DPH6: variants seen among roughly 807,000 people sequenced by gnomAD.
DPH6 encodes diphthamine biosynthesis 6.
Under a neutral mutation model 38.2 loss-of-function variants are expected in DPH6, and 33 were observed. The ratio of observed to expected loss-of-function variants is 0.86; its 90% CI spans 0.65 to 1.15. DPH6 has a LOEUF of 1.15. DPH6 is among the 50% of genes most tolerant of loss of function. DPH6 has a pLI of 0.00. For synonymous variants in DPH6, 108 were observed against 103.0 expected, an observed-to-expected ratio of 1.05 and a Z score of -0.30; for missense variants, 325 against 320.0, an observed-to-expected ratio of 1.02 and a Z score of -0.12.
exon 4 of DPH6, chr15:35,217,647 C>G (rs997731162): frequency 1.3e-5 from 2 of 152,316 alleles, no homozygotes; most frequent in Non-Finnish European, 2.9e-5. Flanking sequence ...CCACTGCACC[C>G]GGCCACCAAT....
the DPH6 span, among the ~76,000 whole-genome samples, chr15:35,145,454 G>A: frequency 0.73 from 111,377 of 152,136 alleles, 40,944 homozygotes; most frequent in Middle Eastern, 0.8. Context: ...CAATATGAAA[G>A]TACTGCTTGG....
intron 6 of DPH6, chr15:35,401,432 C>G (rs2053217591): frequency 3.9e-6 from 3 of 773,660 alleles, no homozygotes; most frequent in Non-Finnish European, 7.2e-6. Context: ...CCTGGTTATT[C>G]TGGAGGAAGC....
intron 3 of DPH6, among the ~76,000 whole-genome samples, chr15:35,344,703 G>A (rs948453764): frequency 6.6e-6 from 1 of 151,772 alleles, no homozygotes; most frequent in Non-Finnish European, 1.5e-5. Flanking sequence ...GTAGGTAACT[G>A]GACTCCATAC....
At chr15:35,361,510 C>T (rs1021965484) in intron 3 of DPH6, among the ~76,000 whole-genome samples, 1 of 127,692 alleles carries the variant, frequency 7.8e-6, no homozygotes, top group Non-Finnish European at 1.6e-5. Flanking sequence ...TAAATAACCT[C>T]TCTTTTTTTT....
At chr15:35,152,844 C>T in the DPH6 span, among the ~76,000 whole-genome samples, 10 of 152,142 alleles carry the variant, frequency 6.6e-5, no homozygotes, top group East Asian at 5.8e-4. Context: ...TTAGAAATAA[C>T]GGGCTTTGTT....
chr15:35,258,902 A>G (rs984023686), intron 3 of DPH6, among the ~76,000 whole-genome samples: 1 of 152,078 alleles, frequency 6.6e-6, no homozygotes, highest in African/African-American at 2.4e-5. Flanking sequence ...TAACCCCAGC[A>G]CTTTGGGCGG....
At chr15:35,366,007 A>T, downstream of DPH6, 1 of 985,254 alleles carries the variant, frequency 1.0e-6, no homozygotes, top group South Asian at 4.7e-5. Context: ...AGGGTAGGAA[A>T]GTTGTGCTGA....
chr15:35,425,711 G>A (rs551787577), intron 5 of DPH6, among the ~76,000 whole-genome samples: 22 of 149,738 alleles, frequency 1.5e-4, no homozygotes, highest in South Asian at 8.4e-4. Flanking sequence ...GTGTATGGGT[G>A]TGTGTACAAA....
At chr15:35,439,200 CAG>C (rs2053755027) in intron 5 of DPH6, among the ~76,000 whole-genome samples, 1 of 152,142 alleles carries the variant, frequency 6.6e-6, no homozygotes, top group Non-Finnish European at 1.5e-5. Flanking sequence ...GAATATCAAA[CAG>C]AACACGAGTT....
chr15:35,233,912 A>G (rs147178638), intron 3 of DPH6, among the ~76,000 whole-genome samples: 4 of 152,260 alleles, frequency 2.6e-5, no homozygotes, highest in African/African-American at 9.6e-5. Context: ...TTTCAGATAA[A>G]TGCTCTGCTT....
chr15:35,424,770 GAGA>G (rs1360799905), intron 5 of DPH6, among the ~76,000 whole-genome samples: 6 of 151,526 alleles, frequency 4.0e-5, no homozygotes, highest in African/African-American at 1.2e-4. Flanking sequence ...CTGAATAAAG[GAGA>G]AGAATATATC....
At chr15:35,474,780 T>G (rs1448038586) in intron 3 of DPH6, among the ~76,000 whole-genome samples, 1 of 152,120 alleles carries the variant, frequency 6.6e-6, no homozygotes. Flanking sequence ...ACATGAAATG[T>G]GTACATTCAG....
intron 3 of DPH6, among the ~76,000 whole-genome samples, chr15:35,475,662 A>AT (rs2141136787): frequency 6.6e-6 from 1 of 151,970 alleles, no homozygotes; most frequent in African/African-American, 2.4e-5. Context: ...TTACTCTGAA[A>AT]TATTTCCTAT....
chr15:35,511,528 T>G lies in DPH6; in HGVS notation c.312+26746A>C, dbSNP rs918879330. 3.3e-5 allele frequency among the ~76,000 whole-genome samples: 5 copies of G among 152,250 alleles called. No homozygotes were observed. The East Asian group carries it at 9.7e-4, about 29-fold the overall frequency. On this transcript the variant is annotated intron_variant, in intron 3 of 8. Coordinates refer to ENST00000256538, the MANE Select transcript of DPH6 (RefSeq NM_080650.4). ...CATGAAACTGTACATAGTGTGAATA[T>G]GTACATGTGTTTATAGCTGAAAAGT...
chr15:35,289,266 T>C (rs1261618442), intron 3 of DPH6, among the ~76,000 whole-genome samples: 3 of 152,180 alleles, frequency 2.0e-5, no homozygotes, highest in Admixed American at 1.3e-4. Flanking sequence ...TGCTATTCCA[T>C]GGCCACATTG....
intron 3 of DPH6, among the ~76,000 whole-genome samples, chr15:35,484,829 T>C (rs2054375522): frequency 6.6e-6 from 1 of 152,216 alleles, no homozygotes; most frequent in Non-Finnish European, 1.5e-5. Flanking sequence ...TTAGTTATAT[T>C]ATTCCTTCCA....
exon 4 of DPH6, chr15:35,218,156 CTATT>C (rs2051420975): frequency 6.6e-6 from 1 of 152,170 alleles, no homozygotes; most frequent in Non-Finnish European, 1.5e-5. Context: ...CTTTAAAAAG[CTATT>C]TAGAGTTTCA....
chr15:35,358,533 G>A (rs1337476712), intron 3 of DPH6, among the ~76,000 whole-genome samples: 1 of 152,158 alleles, frequency 6.6e-6, no homozygotes, highest in Non-Finnish European at 1.5e-5. Flanking sequence ...GGAAGTTCTA[G>A]GGCTGAAGGC....
chr15:35,423,768 G>GTCCA (rs1207657079), intron 5 of DPH6, among the ~76,000 whole-genome samples: 1 of 151,548 alleles, frequency 6.6e-6, no homozygotes, highest in East Asian at 1.9e-4. Flanking sequence ...TGAGATAAGG[G>GTCCA]TCCACTTCTT....
Sources: gnomAD v4.1 joint callset for allele counts (sites outside exome capture counted in the v4.1 genomes callset) on GRCh38, gnomAD v4.1.1 for gene constraint, MANE v1.5 for transcripts, NCBI Gene and HGNC (gene_info 2026-07-23, HGNC 2026-07-21) for gene names.